The following NEBL variants were observed in gnomAD, a reference collection of about 807,000 sequenced individuals.
NEBL encodes nebulette, also known as LIM and SH3 protein 2.
A neutral mutation model predicts 140.2 loss-of-function variants in NEBL; 122 were observed. That is an observed-to-expected ratio of 0.87 (90% CI 0.75 to 1.01). The LOEUF is 1.01. NEBL is among the 50% of genes least tolerant of loss of function. NEBL has a pLI of 0.00. For synonymous variants in NEBL, 436 were observed against 398.9 expected, an observed-to-expected ratio of 1.09 and a Z score of -1.11; for missense variants, 1,365 against 1,231.3, an observed-to-expected ratio of 1.11 and a Z score of -1.62.
At chr10:21,115,026 T>G (rs1488162184) in intron 2 of NEBL, among the ~76,000 whole-genome samples, 4 of 152,152 alleles carry the variant, frequency 2.6e-5, no homozygotes, top group African/African-American at 9.6e-5. Context: ...TATGATTCCT[T>G]TTTATCTTCT....
At position 20,812,807 on chromosome 10, in the gene NEBL, T is replaced by A. The variant is rs372763596; in HGVS notation, c.2480A>T (p.His827Leu). 4.3e-6 allele frequency: 7 copies of A among 1,614,002 alleles called. No homozygotes were observed. The highest frequency in any genetic ancestry group is 5.9e-6 in the Non-Finnish European group (7 of 1,179,944). The change falls in exon 24 of 28, where the codon CAC (histidine) becomes CTC (leucine). Residue 827 changes from histidine (H) to leucine (L), a missense_variant. This residue lies in a region of NEBL where 1,323 missense variants were observed against 1,154.8 expected (regional missense o/e 1.15). Coordinates refer to ENST00000377122, the MANE Select transcript of NEBL (RefSeq NM_006393.3). ...SDAAYKGVHP[H>L]IVEMDRRPGI... ...AGGTCTCCTGTCCATCTCCACGATG[T>A]GAGGGTGGACCCCTTTATAGGCAGC... is the stretch of plus-strand genomic sequence containing the variant.
At chr10:20,982,816 A>C (rs1837107123) in intron 3 of NEBL, among the ~76,000 whole-genome samples, 1 of 152,166 alleles carries the variant, frequency 6.6e-6, no homozygotes, top group Admixed American at 6.5e-5. Context: ...ATGTCTATTA[A>C]AAGGGATAAA....
intron 3 of NEBL, among the ~76,000 whole-genome samples, chr10:20,966,067 T>C (rs1014387490): frequency 2.2e-4 from 33 of 152,204 alleles, no homozygotes; most frequent in Admixed American, 1.3e-3. Context: ...CAAAGTCAAA[T>C]GTGAGAAATT....
At chr10:21,183,327 G>A (rs897288832) in intron 3 of NEBL, among the ~76,000 whole-genome samples, 1 of 152,148 alleles carries the variant, frequency 6.6e-6, no homozygotes, top group South Asian at 2.1e-4. Flanking sequence ...AAAGAAAGGC[G>A]TGAGGACAAA....
chr10:20,943,695 C>A (rs1331176269), intron 4 of NEBL, among the ~76,000 whole-genome samples: 1 of 152,210 alleles, frequency 6.6e-6, no homozygotes, highest in Admixed American at 6.5e-5. Context: ...CAATGCAAAG[C>A]CAACTTCCTT....
chr10:20,840,952 C>A lies in NEBL; in HGVS notation c.1228-103G>T, dbSNP rs2281881. 0.26 allele frequency: 191,031 copies of A among 732,662 alleles called. 26,438 individuals carry two copies. The highest frequency in any genetic ancestry group is 0.4 in the East Asian group (14,863 of 37,090). 45.4% of individuals were successfully genotyped at this position (732,662 alleles called of 1,614,324 possible). A position where few individuals can be genotyped will look rare whatever the true frequency, so the allele number is the denominator to read the frequency against. ...AGATCACAGAAATGAGAAAATATTA[C>A]TAGGAAGGAATGAATCACACAGCTA... On this transcript the variant is annotated intron_variant, in intron 12 of 27. Transcript: ENST00000377122.
At chr10:21,250,960 G>A (rs1842580881) in intron 2 of NEBL, among the ~76,000 whole-genome samples, 1 of 152,172 alleles carries the variant, frequency 6.6e-6, no homozygotes, top group Non-Finnish European at 1.5e-5. Context: ...TGAAGTCCTT[G>A]TCATTTTTCA....
intron 2 of NEBL, among the ~76,000 whole-genome samples, chr10:20,894,845 C>T (rs1445218760): frequency 6.8e-6 from 1 of 147,102 alleles, no homozygotes; most frequent in East Asian, 2.0e-4. Context: ...AGGAGAATGG[C>T]GTGAACCCAG....
chr10:21,286,281 T>C (rs1156256217), intron 1 of NEBL, among the ~76,000 whole-genome samples: 1 of 152,214 alleles, frequency 6.6e-6, no homozygotes, highest in East Asian at 1.9e-4. Context: ...AGGAATCTTT[T>C]TATCTTTAAT....
Position 21,270,908 on chromosome 10 carries a change from T to G in NEBL, n.183-19080A>C, listed in dbSNP as rs1025834694. Among the ~76,000 whole-genome samples, 7 of 152,192 alleles carry G rather than the reference T, an allele frequency of 4.6e-5. No homozygotes were observed. In the South Asian group the frequency reaches 1.2e-3, roughly 27 times the overall value. ...TGGGGACAAAATCCCAGGGATCTCC[T>G]CATCTCTGTTGGTGAGACTGTAAAT... On this transcript the variant is annotated intron_variant and non_coding_transcript_variant, in intron 1 of 8. Coordinates refer to the NEBL transcript ENST00000675702.
chr10:21,038,125 CCTAA>C (rs1834092099), intron 2 of NEBL, among the ~76,000 whole-genome samples: 1 of 152,102 alleles, frequency 6.6e-6, no homozygotes, highest in African/African-American at 2.4e-5. Context: ...AAAATTACTA[CCTAA>C]CTATGAGGGG....
At chr10:20,822,279 A>G (rs113043384) in intron 19 of NEBL, among the ~76,000 whole-genome samples, 1,840 of 152,194 alleles carry the variant, frequency 0.012, 33 homozygotes, top group African/African-American at 0.041. Flanking sequence ...AAGACATTCA[A>G]TAACACATTT....
chr10:20,812,281 A>G (rs1367638843), intron 24 of NEBL, among the ~76,000 whole-genome samples: 1 of 152,068 alleles, frequency 6.6e-6, no homozygotes, highest in Non-Finnish European at 1.5e-5. Flanking sequence ...GTGATCACTC[A>G]TATCTCTGCT....
chr10:20,835,041 C>T (rs926890787), intron 14 of NEBL, among the ~76,000 whole-genome samples: 2 of 152,144 alleles, frequency 1.3e-5, no homozygotes, highest in South Asian at 2.1e-4. Context: ...AAATTTCATG[C>T]GTGCTGATCA....
chr10:20,843,818 T>C (rs1841612146), intron 12 of NEBL, among the ~76,000 whole-genome samples: 1 of 152,132 alleles, frequency 6.6e-6, no homozygotes, highest in South Asian at 2.1e-4. Context: ...ATGTATCATT[T>C]CTTTGTGTTG....
intron 25 of NEBL, 41 bp from the exon 26 acceptor site, chr10:20,808,700 C>G (rs753927740): frequency 8.5e-5 from 134 of 1,584,000 alleles, no homozygotes; most frequent in Non-Finnish European, 1.1e-4. Flanking sequence ...GATTAAGTGA[C>G]TCGAAAAACA....
chr10:21,020,104 T>A, intron 3 of NEBL: 1 of 1,607,914 alleles, frequency 6.2e-7, no homozygotes, highest in Non-Finnish European at 8.5e-7. Flanking sequence ...AAAACAAATC[T>A]TCTAGAAGTT....
chr10:21,196,427 C>A (rs1385447394), intron 3 of NEBL, among the ~76,000 whole-genome samples: 1 of 151,396 alleles, frequency 6.6e-6, no homozygotes, highest in Non-Finnish European at 1.5e-5. Context: ...TCACTGCAAC[C>A]TCTGCCTTCC....
chr10:20,868,358 A>C (rs1005967072), intron 7 of NEBL: 4 of 325,996 alleles, frequency 1.2e-5, no homozygotes, highest in Non-Finnish European at 2.3e-5. Context: ...AAACACAATT[A>C]TTTAGTATGA....
Sources: allele counts gnomAD v4.1 joint callset (sites outside exome capture counted in the v4.1 genomes callset), GRCh38; gene constraint gnomAD v4.1.1; regional missense constraint gnomAD v4.1.1; transcripts MANE v1.5; gene names NCBI Gene and HGNC (gene_info 2026-07-23, HGNC 2026-07-21).